Variants in BSN observed in about 807,000 individuals in gnomAD.
BSN encodes bassoon presynaptic cytomatrix protein.
BSN carries 57 observed loss-of-function variants against 264.8 expected under a neutral mutation model. The ratio of observed to expected loss-of-function variants is 0.22; its 90% CI spans 0.17 to 0.27. BSN has a LOEUF of 0.27. Among genes scored for constraint, BSN ranks in the 10% least tolerant of loss-of-function variants. BSN has a pLI of 1.00. For missense variants in BSN, 4,615 were observed against 5,232.5 expected, an observed-to-expected ratio of 0.88 and a Z score of 3.64; for synonymous variants, 2,059 against 2,137.3, an observed-to-expected ratio of 0.96 and a Z score of 1.01.
In BSN at chr3:49,625,095, G is replaced by A. The variant is rs749639261; in HGVS notation, c.345G>A (p.Gln115=). 1 of 1,605,402 alleles carries A rather than the reference G, an allele frequency of 6.2e-7. No individual in the cohort carries two copies. The highest frequency in any genetic ancestry group is 1.1e-5 in the South Asian group (1 of 89,588). Residue 115 remains glutamine, a synonymous_variant, in exon 2 of 12, where the codon CAG becomes CAA. Coordinates refer to ENST00000296452, the MANE Select transcript of BSN (RefSeq NM_003458.4). The surrounding 1 kb of genome is among the most constrained non-coding windows in gnomAD (Gnocchi z 4.4). ...GHESPRETRA[Q]GPAGQEADGP... is the part of the protein sequence containing the mutation. ...AGAGCCCCCGAGAGACAAGGGCACA[G>A]GGACCAGCAGGCCAGGAGGCTGATG...
At chr3:49,608,378 A>G (rs1053347974) in intron 1 of BSN, among the ~76,000 whole-genome samples, 1 of 152,194 alleles carries the variant, frequency 6.6e-6, no homozygotes, top group Non-Finnish European at 1.5e-5. Flanking sequence ...CAAAGGCTGG[A>G]AAGTGGTGGA....
chr3:49,657,066 C>T lies in BSN; in HGVS notation c.7510C>T (p.Pro2504Ser). Residue 2504 changes from proline (P) to serine (S), a missense_variant, in exon 5 of 12, where the codon CCC becomes TCC. Physicochemically the swap from Pro to Ser is moderately conservative, Grantham distance 74. Coordinates refer to ENST00000296452, the MANE Select transcript of BSN (RefSeq NM_003458.4). ...GGCCCAGAATGGCCAGTATTGGCCCCCCCTTACACATGCAGCCTTCATTGC... is the reference window on the plus strand; with the variant it reads ...GGCCCAGAATGGCCAGTATTGGCCCTCCCTTACACATGCAGCCTTCATTGC... ...ELAQNGQYWP[P>S]LTHAAFIAMA... The T allele has an allele frequency of 1.2e-6, 2 of 1,609,548 alleles. No individual in the cohort carries two copies. The highest frequency in any genetic ancestry group is 1.7e-6 in the Non-Finnish European group (2 of 1,177,136).
intron 1 of BSN, among the ~76,000 whole-genome samples, chr3:49,560,608 T>TG (rs2051704686): frequency 6.6e-6 from 1 of 152,204 alleles, no homozygotes; most frequent in Non-Finnish European, 1.5e-5. Flanking sequence ...AATCTAGCTG[T>TG]GGGGGACTCC....
chr3:49,621,125 G>A (rs1037782273), intron 1 of BSN, among the ~76,000 whole-genome samples: 1 of 152,202 alleles, frequency 6.6e-6, no homozygotes, highest in Non-Finnish European at 1.5e-5. Context: ...CCCACATTTA[G>A]GGGGAAGATC....
At position 49,669,400 on chromosome 3, in the gene BSN, C is replaced by CT. The variant is rs1312400418; in HGVS notation, c.*1916dup. 2 of 152,708 alleles carry CT rather than the reference C, an allele frequency of 1.3e-5. No homozygotes were observed. The highest frequency in any genetic ancestry group is 2.9e-5 in the Non-Finnish European group (2 of 68,084). 9.5% of individuals were successfully genotyped at this position (152,708 alleles called of 1,614,324 possible). A position where few individuals can be genotyped will look rare whatever the true frequency, so the allele number is the denominator to read the frequency against. ...ATTCTGAAGGTTTGCTGTAGGATAT[C>CT]TGTCTGTCTGTCATTTTCCCTTCCT... On this transcript the variant is annotated 3_prime_UTR_variant, in exon 12 of 12. Transcript: ENST00000296452.
intron 1 of BSN, among the ~76,000 whole-genome samples, chr3:49,572,824 C>T (rs1402266185): frequency 1.3e-5 from 2 of 152,196 alleles, no homozygotes; most frequent in South Asian, 2.1e-4. Flanking sequence ...TGAGCCACCG[C>T]GCCCAGCCAC....
chr3:49,613,491 T>A (rs1056835098), intron 1 of BSN, among the ~76,000 whole-genome samples: 18 of 151,358 alleles, frequency 1.2e-4, no homozygotes, highest in Non-Finnish European at 2.9e-5. Context: ...TTTATTATTA[T>A]TATTATTATT....
In BSN at chr3:49,650,593, C is replaced by G; in HGVS notation, c.1519-19C>G. 1 of 1,573,900 alleles carries G rather than the reference C, an allele frequency of 6.4e-7. No homozygotes were observed. Among genetic ancestry groups the G allele is most frequent in the Non-Finnish European group, 8.6e-7 (1 of 1,166,570 alleles). ...TGTCTTTTTAATTTTCATCAACCCC[C>G]TCTCCCATTTCCTTGCAGAAAACAG... is the stretch of plus-strand genomic sequence containing the variant. On this transcript the variant is annotated intron_variant, in intron 3 of 11. Coordinates refer to ENST00000296452, the MANE Select transcript of BSN (RefSeq NM_003458.4).
chr3:49,565,567 G>A lies in BSN; in HGVS notation c.224+10741G>A, dbSNP rs148519283. On this transcript the variant is annotated intron_variant, in intron 1 of 11. Transcript: ENST00000296452. ...GATCTCCTGACCTCGTGATCCACCC[G>A]CCTCGGCCTCCCAAAGTGCTGGGAT... Among the ~76,000 whole-genome samples, 1,419 of 152,078 alleles carry A rather than the reference G, an allele frequency of 9.3e-3. 28 individuals are homozygous for A. Among genetic ancestry groups the A allele is most frequent in the African/African-American group, 0.031 (1,277 of 41,474 alleles).
At chr3:49,605,920 A>ATATTTATATC (rs2052133030) in intron 1 of BSN, among the ~76,000 whole-genome samples, 2 of 1,290 alleles carry the variant, frequency 1.6e-3, no homozygotes, top group Admixed American at 0.019. Context: ...AGATATAAAT[A>ATATTTATATC]GATATAAAAT....
In BSN at chr3:49,655,965, G is replaced by A. The variant is rs1376418183; in HGVS notation, c.6409G>A (p.Ala2137Thr). 49 of 1,609,826 alleles carry A rather than the reference G, an allele frequency of 3.0e-5. No individual in the cohort carries two copies. Among genetic ancestry groups the A allele is most frequent in the Non-Finnish European group, 4.0e-5 (47 of 1,179,528 alleles). ...GCCCCAGCACGGGCCCGGGCTCAGT[G>A]CTCCACAGAGTCTGGTTCCCCTCAG... ...YQPQHGPGLS[A>T]PQSLVPLRPG... The change falls in exon 5 of 12, where the codon GCT becomes ACT. Residue 2137 changes from alanine (A) to threonine (T), a missense_variant. Transcript: ENST00000296452.
rs1231229334 is a variant in BSN at position 49,592,121 on chromosome 3, TA to T, written c.225-32853del. Among the ~76,000 whole-genome samples the T allele has an allele frequency of 2.0e-5, 3 of 152,046 alleles. No individual in the cohort carries two copies. In the East Asian group the frequency reaches 5.8e-4, roughly 30 times the overall value. On this transcript the variant is annotated intron_variant, in intron 1 of 11. Coordinates refer to ENST00000296452, the MANE Select transcript of BSN (RefSeq NM_003458.4). ...TCAATTATTTATTTATTTATTTATT[TA>T]TTTTTTTGAGATGGAGTCTCACTCT...
intron 1 of BSN, among the ~76,000 whole-genome samples, chr3:49,579,246 C>A (rs919526135): frequency 1.3e-5 from 2 of 152,006 alleles, no homozygotes; most frequent in African/African-American, 4.8e-5. Flanking sequence ...GTCTCAGGCA[C>A]CCAAAGTGCT....
chr3:49,660,336 G>C lies in BSN; in HGVS notation c.8641-150G>C. ...GAAACCAAGGCCTATGGGTGGGCAG[G>C]GTAGGCCTCCAGGCTGCCTGGTAAA... On this transcript the variant is annotated intron_variant, in intron 5 of 11. Transcript: ENST00000296452. This position sits in a 1 kb window ranked among gnomAD's most constrained non-coding sequence, Gnocchi z 7.1. 6.8e-7 allele frequency: 1 copy of C among 1,463,188 alleles called. No homozygotes were observed. The highest frequency in any genetic ancestry group is 1.5e-5 in the South Asian group (1 of 68,414). 90.6% of individuals were successfully genotyped at this position (1,463,188 alleles called of 1,614,324 possible).
At position 49,656,278 on chromosome 3, in the gene BSN, T is replaced by G; in HGVS notation, c.6722T>G (p.Leu2241Arg). The G allele has an allele frequency of 1.2e-6, 2 of 1,613,136 alleles. No individual in the cohort carries two copies. The highest frequency in any genetic ancestry group is 1.7e-6 in the Non-Finnish European group (2 of 1,179,846). ...ATCACAGCCGTGCCACTCACCAGTC[T>G]GACACGTGTGCCCATGATTGCCCCC... is the stretch of plus-strand genomic sequence containing the variant. ...GGITAVPLTSLTRVPMIAPRV... is the reference protein window; with the variant it reads ...GGITAVPLTSRTRVPMIAPRV... The change falls in exon 5 of 12, where the codon CTG becomes CGG. Residue 2241 changes from leucine to arginine, a missense_variant. Physicochemically the swap from Leu to Arg is moderately radical, Grantham distance 102. Around this residue, in one of 3 missense-constraint regions of BSN, gnomAD observed 3,415 missense variants for 3,866.4 expected, o/e 0.88. Coordinates refer to ENST00000296452, the MANE Select transcript of BSN (RefSeq NM_003458.4).
At chr3:49,554,915 G>A in intron 1 of BSN, 89 bp downstream of exon 1, 1 of 821,888 alleles carries the variant, frequency 1.2e-6, no homozygotes, top group Non-Finnish European at 1.6e-6. Flanking sequence ...AGTGTGGACA[G>A]CGAGGTTCGA....
rs147936824 is a variant in BSN at position 49,651,908 on chromosome 3, C to T, written c.2352C>T (p.Asp784=). ...AGCTGGAGGATATCCTGGAGGAAGA[C>T]GAAGACTCTGCTGAGTGGAGGCGCC... The part of the protein sequence containing the change: ...DEELEDILEE[D]EDSAEWRRRR... The change falls in exon 5 of 12, where the codon GAC becomes GAT. Residue 784 remains aspartate, a synonymous_variant. Coordinates refer to ENST00000296452, the MANE Select transcript of BSN (RefSeq NM_003458.4). The surrounding 1 kb of genome is among the most constrained non-coding windows in gnomAD (Gnocchi z 5.4). 4.3e-6 allele frequency: 7 copies of T among 1,613,878 alleles called. No individual in the cohort carries two copies. The highest frequency in any genetic ancestry group is 4.5e-5 in the East Asian group (2 of 44,878).
Position 49,655,208 on chromosome 3 carries a change from G to A in BSN, c.5652G>A (p.Ala1884=), listed in dbSNP as rs760305287. Residue 1884 remains alanine (A), a synonymous_variant, in exon 5 of 12, where the codon GCG becomes GCA. Transcript: ENST00000296452. ...TVTTLLPEEP[A]GALDLTGMRP... is the part of the protein sequence containing the mutation. ...CCACACTGCTCCCAGAGGAGCCTGC[G>A]GGTGCCCTGGACCTTACCGGGATGA... The A allele has an allele frequency of 6.4e-5, 103 of 1,612,832 alleles. No individual in the cohort carries two copies. The highest frequency in any genetic ancestry group is 8.1e-5 in the Non-Finnish European group (95 of 1,179,912).
chr3:49,579,886 T>C (rs2051881799), intron 1 of BSN, among the ~76,000 whole-genome samples: 1 of 152,212 alleles, frequency 6.6e-6, no homozygotes, highest in South Asian at 2.1e-4. Context: ...CATCATTCTA[T>C]TAATATGCTA....
Sources: gnomAD v4.1 joint callset for allele counts (sites outside exome capture counted in the v4.1 genomes callset) on GRCh38, gnomAD v4.1.1 for gene constraint, gnomAD v4.1.1 regional missense constraint, Gnocchi (gnomAD v3.1) non-coding constraint, MANE v1.5 for transcripts, NCBI Gene and HGNC (gene_info 2026-07-23, HGNC 2026-07-21) for gene names.